The following TMEM132C variants were observed in gnomAD, a reference collection of about 807,000 sequenced individuals.
TMEM132C encodes the protein protein phosphatase 1, regulatory subunit 152.
In TMEM132C, 29 loss-of-function variants were observed where a neutral mutation model predicts 61.4. That is an observed-to-expected ratio of 0.47 (90% CI 0.35 to 0.64). TMEM132C has a LOEUF of 0.64. Ranked by LOEUF, TMEM132C falls within the 30% of genes least tolerant of loss-of-function variation. The pLI, the probability that TMEM132C is intolerant of heterozygous loss-of-function variation, is 0.00. For missense variants in TMEM132C, 1,408 were observed against 1,476.9 expected (o/e 0.95, Z 0.76); for synonymous variants, 656 against 633.1 (o/e 1.04, Z -0.54).
intron 2 of TMEM132C, among the ~76,000 whole-genome samples, chr12:128,530,633 TGAGG>T (rs1873260213): frequency 1.3e-5 from 2 of 152,076 alleles, no homozygotes; most frequent in African/African-American, 4.8e-5. Flanking sequence ...TTTGAAGAGA[TGAGG>T]TTTCACCATG....
intron 1 of TMEM132C, among the ~76,000 whole-genome samples, chr12:128,394,286 T>A (rs888830791): frequency 6.6e-6 from 1 of 151,948 alleles, no homozygotes; most frequent in African/African-American, 2.4e-5. Context: ...AAGATGAAAT[T>A]TGGGTGGAGA....
At chr12:128,527,425 G>A (rs1251894234) in intron 2 of TMEM132C, among the ~76,000 whole-genome samples, 1 of 152,206 alleles carries the variant, frequency 6.6e-6, no homozygotes, top group Non-Finnish European at 1.5e-5. Flanking sequence ...GCCTCATCAA[G>A]TATTGATAGG....
At chr12:128,501,267 G>A (rs77229277) in intron 2 of TMEM132C, among the ~76,000 whole-genome samples, 18,368 of 152,128 alleles carry the variant, frequency 0.12, 1,582 homozygotes, top group African/African-American at 0.24. Flanking sequence ...TAGGCCACTC[G>A]AGATAGTCAA....
chr12:128,584,557 G>A (rs1010704973), intron 3 of TMEM132C, among the ~76,000 whole-genome samples: 3 of 152,204 alleles, frequency 2.0e-5, no homozygotes, highest in African/African-American at 7.2e-5. Context: ...TGCTGCGAAT[G>A]GTCTGTAGGG....
At chr12:128,391,402 C>G (rs57528274) in intron 1 of TMEM132C, among the ~76,000 whole-genome samples, 1 of 152,126 alleles carries the variant, frequency 6.6e-6, no homozygotes, top group Non-Finnish European at 1.5e-5. Context: ...CTCCTTTGCA[C>G]GTGTATGTTA....
intron 1 of TMEM132C, among the ~76,000 whole-genome samples, chr12:128,324,907 G>T (rs1429709549): frequency 6.6e-6 from 1 of 152,130 alleles, no homozygotes; most frequent in Non-Finnish European, 1.5e-5. Context: ...TAGTGATTAT[G>T]TTCTACATTC....
intron 3 of TMEM132C, among the ~76,000 whole-genome samples, chr12:128,563,136 T>C (rs1365248908): frequency 6.6e-6 from 1 of 152,258 alleles, no homozygotes; most frequent in Non-Finnish European, 1.5e-5. Flanking sequence ...TGTCATCTTG[T>C]ATCCTGGTGA....
At chr12:128,616,386 T>C in intron 4 of TMEM132C, 51 bp downstream of exon 4, 1 of 1,469,748 alleles carries the variant, frequency 6.8e-7, no homozygotes, top group Non-Finnish European at 9.2e-7. Context: ...CCTGACTGCA[T>C]CCTGTGTCCT....
intron 5 of TMEM132C, among the ~76,000 whole-genome samples, chr12:128,685,912 T>C (rs1216405293): frequency 6.6e-6 from 1 of 152,198 alleles, no homozygotes; most frequent in East Asian, 1.9e-4. Flanking sequence ...AGATGACCCA[T>C]GTGAGCCTCT....
At chr12:128,280,141 C>T (rs1294039930) in intron 1 of TMEM132C, among the ~76,000 whole-genome samples, 1 of 152,190 alleles carries the variant, frequency 6.6e-6, no homozygotes, top group African/African-American at 2.4e-5. Flanking sequence ...TGCCAGAAAT[C>T]TCTGAAGGCC....
At chr12:128,271,278 T>G (rs28572420) in intron 1 of TMEM132C, among the ~76,000 whole-genome samples, 4 of 38,212 alleles carry the variant, frequency 1.0e-4, no homozygotes, top group South Asian at 6.4e-4. Flanking sequence ...ATAATAATAA[T>G]AATAATAATA....
chr12:128,325,730 T>G (rs1872488372), intron 1 of TMEM132C, among the ~76,000 whole-genome samples: 1 of 152,154 alleles, frequency 6.6e-6, no homozygotes, highest in Admixed American at 6.5e-5. Flanking sequence ...GTTCGGGGCT[T>G]TCACCAGTGG....
In TMEM132C at chr12:128,666,081, A is replaced by G. The variant is rs879554858; in HGVS notation, c.1306-3336A>G. Among the ~76,000 whole-genome samples, 5 of 145,932 alleles carry G rather than the reference A, an allele frequency of 3.4e-5. 1 individual carries two copies. Among genetic ancestry groups the G allele is most frequent in the Admixed American group, 1.3e-4 (2 of 14,828 alleles). ...GGCACTCATACACAAACACACAGGC[A>G]CACACACACAGGCACACATACCCAT... On this transcript the variant is annotated intron_variant, in intron 4 of 8. Coordinates refer to ENST00000435159, the MANE Select transcript of TMEM132C (RefSeq NM_001136103.3).
At chr12:128,520,936 G>C (rs1012579175) in intron 2 of TMEM132C, among the ~76,000 whole-genome samples, 3 of 152,044 alleles carry the variant, frequency 2.0e-5, no homozygotes, top group Admixed American at 1.3e-4. Context: ...CTTTGCAGCT[G>C]CAGGAACATC....
intron 1 of TMEM132C, among the ~76,000 whole-genome samples, chr12:128,345,748 T>G (rs1053984585): frequency 9.9e-5 from 15 of 152,230 alleles, no homozygotes; most frequent in South Asian, 6.2e-4. Flanking sequence ...TTTGCTCACT[T>G]TTTAATGGGG....
At chr12:128,280,965 C>G (rs935325603) in intron 1 of TMEM132C, among the ~76,000 whole-genome samples, 5 of 152,116 alleles carry the variant, frequency 3.3e-5, no homozygotes, top group African/African-American at 1.2e-4. Flanking sequence ...TGTTGTTACC[C>G]ACATTTGAGA....
intron 1 of TMEM132C, among the ~76,000 whole-genome samples, chr12:128,300,548 T>G (rs1051687331): frequency 6.6e-6 from 1 of 152,186 alleles, no homozygotes; most frequent in Non-Finnish European, 1.5e-5. Context: ...TGATGCCTTT[T>G]CACTGAGGAC....
At chr12:128,622,486 A>G (rs905323483) in intron 4 of TMEM132C, among the ~76,000 whole-genome samples, 1 of 146,586 alleles carries the variant, frequency 6.8e-6, no homozygotes, top group African/African-American at 2.5e-5. Flanking sequence ...CTGTTGGGGT[A>G]TCTTGACCCC....
At chr12:128,427,398 GT>G (rs1565932951) in intron 2 of TMEM132C, among the ~76,000 whole-genome samples, 1 of 68,548 alleles carries the variant, frequency 1.5e-5, no homozygotes, top group African/African-American at 3.9e-5. Flanking sequence ...GTGTGTGTGT[GT>G]GTGTGTGTGT....
Sources: allele counts gnomAD v4.1 joint callset (sites outside exome capture counted in the v4.1 genomes callset), GRCh38; gene constraint gnomAD v4.1.1; transcripts MANE v1.5; gene names NCBI Gene and HGNC (gene_info 2026-07-23, HGNC 2026-07-21).